Variants in ADGRB3 observed in about 807,000 individuals in gnomAD.
ADGRB3 encodes the protein adhesion G protein-coupled receptor B3, also known as brain-specific angiogenesis inhibitor 3.
A neutral mutation model predicts 193.4 loss-of-function variants in ADGRB3; 37 were observed. That is an observed-to-expected ratio of 0.19 (90% CI 0.15 to 0.25). ADGRB3 has a LOEUF of 0.25. Among genes scored for constraint, ADGRB3 ranks in the 10% least tolerant of loss-of-function variants. The probability of loss-of-function intolerance (pLI) is 1.00; values close to 1 mark genes in which losing one functional copy is unlikely to be tolerated. For synonymous variants in ADGRB3, 690 were observed against 644.2 expected (o/e 1.07, Z -1.08); for missense variants, 1,637 against 1,852.9 (o/e 0.88, Z 2.14).
chr6:68,864,816 G>A, intron 3 of ADGRB3, among the ~76,000 whole-genome samples: 1 of 152,088 alleles, frequency 6.6e-6, no homozygotes, highest in East Asian at 1.9e-4. Context: ...AAGCATTAGT[G>A]TTTTCTGAAG....
At chr6:69,372,801 G>T (rs927822899) in intron 30 of ADGRB3, among the ~76,000 whole-genome samples, 8 of 152,030 alleles carry the variant, frequency 5.3e-5, no homozygotes, top group African/African-American at 1.9e-4. Flanking sequence ...TTTTACTTCA[G>T]TGACTGCCTG....
chr6:68,719,522 T>A (rs1181664501), intron 3 of ADGRB3, among the ~76,000 whole-genome samples: 2 of 151,776 alleles, frequency 1.3e-5, no homozygotes, highest in Non-Finnish European at 2.9e-5. Flanking sequence ...TTATAAATTC[T>A]ATAAGAGAAC....
chr6:68,749,695 A>T (rs1766158437), intron 3 of ADGRB3, among the ~76,000 whole-genome samples: 1 of 152,136 alleles, frequency 6.6e-6, no homozygotes, highest in Non-Finnish European at 1.5e-5. Context: ...TTTCTCAGCA[A>T]TAATCATAAT....
chr6:68,710,737 C>G (rs1046072896), intron 3 of ADGRB3, among the ~76,000 whole-genome samples: 1 of 152,072 alleles, frequency 6.6e-6, no homozygotes, highest in Non-Finnish European at 1.5e-5. Context: ...GGCTCCAACC[C>G]TGATTTCAGA....
intron 24 of ADGRB3, among the ~76,000 whole-genome samples, chr6:69,338,382 G>A (rs1270727311): frequency 1.3e-5 from 2 of 152,020 alleles, no homozygotes; most frequent in African/African-American, 4.8e-5. Context: ...CATATTATAA[G>A]AAATTTCAAA....
intron 3 of ADGRB3, among the ~76,000 whole-genome samples, chr6:68,827,092 GA>G (rs1300229671): frequency 6.6e-6 from 1 of 152,130 alleles, no homozygotes; most frequent in Non-Finnish European, 1.5e-5. Flanking sequence ...GAATATAAAA[GA>G]GATAAATTGT....
At chr6:69,251,046 G>T (rs929534287) in intron 20 of ADGRB3, among the ~76,000 whole-genome samples, 1 of 152,088 alleles carries the variant, frequency 6.6e-6, no homozygotes, top group Non-Finnish European at 1.5e-5. Context: ...AATGTTGTAG[G>T]GGTCAATAAG....
chr6:68,867,029 T>C (rs534932553), intron 3 of ADGRB3, among the ~76,000 whole-genome samples: 1 of 152,222 alleles, frequency 6.6e-6, no homozygotes, highest in African/African-American at 2.4e-5. Context: ...AAAAACCTAT[T>C]TTATGGGGAG....
At chr6:68,677,381 G>T (rs1769118918) in intron 3 of ADGRB3, among the ~76,000 whole-genome samples, 1 of 152,032 alleles carries the variant, frequency 6.6e-6, no homozygotes, top group Admixed American at 6.6e-5. Flanking sequence ...CTGCAGACTA[G>T]CTTAGAATCT....
At chr6:69,006,843 TTTTA>T (rs751049390) in intron 11 of ADGRB3, among the ~76,000 whole-genome samples, 5 of 152,256 alleles carry the variant, frequency 3.3e-5, no homozygotes, top group East Asian at 1.9e-4. Flanking sequence ...GTCATCTTTT[TTTTA>T]TTTATTTCTC....
chr6:69,051,553 T>G (rs1436233605), intron 15 of ADGRB3, among the ~76,000 whole-genome samples: 1 of 152,210 alleles, frequency 6.6e-6, no homozygotes, highest in Non-Finnish European at 1.5e-5. Flanking sequence ...AAATATTTGT[T>G]AAGTACTCTT....
intron 17 of ADGRB3, among the ~76,000 whole-genome samples, chr6:69,102,412 A>G (rs929360817): frequency 5.9e-5 from 9 of 152,226 alleles, no homozygotes; most frequent in Non-Finnish European, 1.0e-4. Flanking sequence ...GTATGTTTGT[A>G]CATTTTAAAT....
chr6:69,033,235 A>G (rs1457645945), intron 13 of ADGRB3, among the ~76,000 whole-genome samples: 1 of 152,126 alleles, frequency 6.6e-6, no homozygotes, highest in Non-Finnish European at 1.5e-5. Context: ...TTTCAATGGC[A>G]TTTGGCATTT....
At chr6:68,696,741 G>T (rs1765166010) in intron 3 of ADGRB3, among the ~76,000 whole-genome samples, 1 of 151,824 alleles carries the variant, frequency 6.6e-6, no homozygotes, top group African/African-American at 2.4e-5. Flanking sequence ...AAAGTGTTCA[G>T]GTCCTTTAGT....
Position 69,330,498 on chromosome 6 carries a change from A to G in ADGRB3, c.3036-8A>G, listed in dbSNP as rs769047408. The G allele has an allele frequency of 1.9e-5, 31 of 1,600,544 alleles. No homozygotes were observed. In the South Asian group the frequency reaches 3.4e-4, roughly 18 times the overall value. On this transcript the variant is annotated splice_region_variant and splice_polypyrimidine_tract_variant and intron_variant, in intron 22 of 31. Transcript: ENST00000370598. ...TTTTTGTTAGTTCTTATCTAATGTCATTTTCAGCTGCTGGCTCTCTCTTGA... is the reference window on the plus strand; with the variant it reads ...TTTTTGTTAGTTCTTATCTAATGTCGTTTTCAGCTGCTGGCTCTCTCTTGA...
At chr6:69,232,841 T>C (rs1222919671) in intron 17 of ADGRB3, among the ~76,000 whole-genome samples, 1 of 152,222 alleles carries the variant, frequency 6.6e-6, no homozygotes, top group East Asian at 1.9e-4. Context: ...GAAATCCGCA[T>C]TTTAAAAGCC....
At position 69,244,852 on chromosome 6, in the gene ADGRB3, T is replaced by G. The variant is rs1362761806; in HGVS notation, c.2814+5626T>G. On this transcript the variant is annotated intron_variant, in intron 20 of 31. Transcript: ENST00000370598. Reference sequence around the variant, plus strand: ...TGGTATCAGCACTTAACCCAGAGAGTGGTATGTTTAAGTGTAAGTACCACT... The same window carrying G: ...TGGTATCAGCACTTAACCCAGAGAGGGGTATGTTTAAGTGTAAGTACCACT... Among the ~76,000 whole-genome samples the G allele has an allele frequency of 5.3e-5, 8 of 151,968 alleles. No individual in the cohort carries two copies. The East Asian group carries it at 1.6e-3, about 30-fold the overall frequency.
At chr6:68,768,301 C>G (rs1191302707) in intron 3 of ADGRB3, among the ~76,000 whole-genome samples, 1 of 152,104 alleles carries the variant, frequency 6.6e-6, no homozygotes, top group Non-Finnish European at 1.5e-5. Flanking sequence ...TACTATAAGA[C>G]AACAGTAACC....
At chr6:69,341,896 A>G (rs1346350435) in intron 26 of ADGRB3, among the ~76,000 whole-genome samples, 1 of 152,162 alleles carries the variant, frequency 6.6e-6, no homozygotes, top group Non-Finnish European at 1.5e-5. Context: ...GTTTAGGAGT[A>G]GAACAGTGCT....
Sources: gnomAD v4.1 joint callset for allele counts (sites outside exome capture counted in the v4.1 genomes callset) on GRCh38, gnomAD v4.1.1 for gene constraint, MANE v1.5 for transcripts, NCBI Gene and HGNC (gene_info 2026-07-23, HGNC 2026-07-21) for gene names.